Variants in KCNN2 observed in about 807,000 individuals in gnomAD.
KCNN2 encodes the protein small conductance calcium-activated potassium channel protein 2.
In KCNN2, 24 loss-of-function variants were observed where a neutral mutation model predicts 55.5. The ratio of observed to expected loss-of-function variants is 0.43; its 90% CI spans 0.31 to 0.61. KCNN2 has a LOEUF of 0.61. KCNN2 is among the 20% of genes least tolerant of loss of function. The probability of loss-of-function intolerance (pLI) is 0.08; values close to 1 mark genes in which losing one functional copy is unlikely to be tolerated. For missense variants in KCNN2, 754 were observed against 853.6 expected (o/e 0.88, Z 1.45); for synonymous variants, 431 against 336.1 (o/e 1.28, Z -3.09).
intron 1 of KCNN2, among the ~76,000 whole-genome samples, chr5:114,181,588 A>G (rs1753241367): frequency 6.6e-6 from 1 of 152,106 alleles, no homozygotes; most frequent in South Asian, 2.1e-4. Context: ...AATTTTAATA[A>G]AGTCTAATTT....
intron 2 of KCNN2, among the ~76,000 whole-genome samples, chr5:114,310,121 A>T (rs964208781): frequency 6.6e-6 from 1 of 152,322 alleles, no homozygotes. Flanking sequence ...TTACAAATTC[A>T]TATTCTCTTC....
At chr5:114,282,852 A>G (rs536372870) in intron 2 of KCNN2, among the ~76,000 whole-genome samples, 2 of 152,276 alleles carry the variant, frequency 1.3e-5, no homozygotes, top group African/African-American at 4.8e-5. Flanking sequence ...CAATTAATGA[A>G]TTCAATTCCA....
intron 2 of KCNN2, among the ~76,000 whole-genome samples, chr5:114,246,569 A>T (rs974072439): frequency 2.0e-5 from 3 of 151,850 alleles, no homozygotes; most frequent in Non-Finnish European, 2.9e-5. Context: ...ACCATTATAT[A>T]AAAGTAAAAA....
At chr5:114,144,815 G>T (rs1311484029) in intron 1 of KCNN2, among the ~76,000 whole-genome samples, 1 of 145,376 alleles carries the variant, frequency 6.9e-6, no homozygotes, top group Non-Finnish European at 1.5e-5. Flanking sequence ...AATGTGGGGT[G>T]GGGGGAATAG....
chr5:114,375,362 T>G (rs1488160245), intron 2 of KCNN2, among the ~76,000 whole-genome samples: 1 of 152,184 alleles, frequency 6.6e-6, no homozygotes, highest in East Asian at 1.9e-4. Context: ...AAGATACATC[T>G]AATACTTTTA....
At chr5:114,129,530 C>G (rs187532517) in intron 1 of KCNN2, among the ~76,000 whole-genome samples, 1 of 152,180 alleles carries the variant, frequency 6.6e-6, no homozygotes, top group African/African-American at 2.4e-5. Context: ...CTTCTTCCAT[C>G]CTAATCATAG....
chr5:114,085,885 G>A lies in KCNN2; in HGVS notation c.-271+29385G>A, dbSNP rs531188389. ...TCCTTTTTTAAGTTCTGTTCATTTTGCTTTATATATTTTGAAGCACTGTCA... is the reference window on the plus strand; with the variant it reads ...TCCTTTTTTAAGTTCTGTTCATTTTACTTTATATATTTTGAAGCACTGTCA... On this transcript the variant is annotated intron_variant, in intron 1 of 10. Coordinates refer to the KCNN2 transcript ENST00000512097. 1.1e-4 allele frequency among the ~76,000 whole-genome samples: 17 copies of A among 152,018 alleles called. No homozygotes were observed. The East Asian group carries it at 2.9e-3, about 26-fold the overall frequency.
intron 3 of KCNN2, among the ~76,000 whole-genome samples, chr5:114,432,248 C>G (rs1381738947): frequency 6.6e-6 from 1 of 152,194 alleles, no homozygotes. Flanking sequence ...TATTTTGATG[C>G]TCTGTTGTTA....
intron 1 of KCNN2, among the ~76,000 whole-genome samples, chr5:114,069,970 A>C (rs192042011): frequency 1.3e-3 from 195 of 152,328 alleles, no homozygotes; most frequent in Middle Eastern, 6.8e-3. Flanking sequence ...TAATATATGA[A>C]TATATCTCAC....
chr5:114,263,165 G>GA (rs1456451983), intron 2 of KCNN2, among the ~76,000 whole-genome samples: 1 of 151,524 alleles, frequency 6.6e-6, no homozygotes, highest in Non-Finnish European at 1.5e-5. Flanking sequence ...GCAGAAAGCT[G>GA]AAAAAGGAAA....
At chr5:114,206,763 C>CT (rs34590942) in intron 1 of KCNN2, among the ~76,000 whole-genome samples, 53,563 of 147,438 alleles carry the variant, frequency 0.36, 9,950 homozygotes, top group Non-Finnish European at 0.43. Context: ...CCTGGTACTT[C>CT]TTTTTTTTTT....
chr5:114,315,392 T>C (rs1756480333), intron 2 of KCNN2, among the ~76,000 whole-genome samples: 2 of 151,376 alleles, frequency 1.3e-5, no homozygotes, highest in South Asian at 4.2e-4. Flanking sequence ...TAAGCAGGTT[T>C]AGAGTGTACC....
chr5:114,381,601 G>A (rs1236314996), intron 2 of KCNN2, among the ~76,000 whole-genome samples: 1 of 152,160 alleles, frequency 6.6e-6, no homozygotes, highest in Non-Finnish European at 1.5e-5. Flanking sequence ...GTCCTACTGT[G>A]ATCGTCCTCT....
chr5:114,357,294 A>C (rs1025153091), upstream of KCNN2, among the ~76,000 whole-genome samples: 2 of 148,268 alleles, frequency 1.3e-5, no homozygotes, highest in Non-Finnish European at 2.9e-5. Flanking sequence ...AACAACATGA[A>C]ATTTTTTTTT....
intron 4 of KCNN2, among the ~76,000 whole-genome samples, chr5:114,469,595 G>A (rs1435335090): frequency 1.3e-5 from 2 of 152,120 alleles, no homozygotes; most frequent in African/African-American, 2.4e-5. Flanking sequence ...TTTCTACATC[G>A]ATTGTGGTGG....
chr5:114,198,550 A>G (rs1349227514), intron 1 of KCNN2, among the ~76,000 whole-genome samples: 1 of 151,826 alleles, frequency 6.6e-6, no homozygotes, highest in Non-Finnish European at 1.5e-5. Context: ...GCTATTGTGA[A>G]TAGTGCTGTG....
At chr5:114,435,696 T>C (rs1168098828) in intron 3 of KCNN2, among the ~76,000 whole-genome samples, 1 of 152,168 alleles carries the variant, frequency 6.6e-6, no homozygotes, top group Non-Finnish European at 1.5e-5. Flanking sequence ...ATATATTAAG[T>C]TATACATTTT....
At chr5:114,403,584 A>G (rs773014658) in intron 2 of KCNN2, among the ~76,000 whole-genome samples, 31 of 152,166 alleles carry the variant, frequency 2.0e-4, no homozygotes, top group Non-Finnish European at 2.8e-4. Context: ...ACATTTCCAA[A>G]TGCTTCTGGT....
Position 114,405,584 on chromosome 5 carries a change from C to A in KCNN2, c.1637+728C>A, listed in dbSNP as rs79001619. 7.5e-3 allele frequency among the ~76,000 whole-genome samples: 1,135 copies of A among 152,176 alleles called. 14 individuals carry two copies. Among genetic ancestry groups the A allele is most frequent in the African/African-American group, 0.026 (1,073 of 41,544 alleles). Reference sequence around the variant, plus strand: ...TGTCTCATAGTGGGCTACAGAGTACCCTCACATGACCTTGGTTAAGAAAAT... The same window carrying A: ...TGTCTCATAGTGGGCTACAGAGTACACTCACATGACCTTGGTTAAGAAAAT... On this transcript the variant is annotated intron_variant, in intron 3 of 7. Coordinates refer to ENST00000673685, the MANE Select transcript of KCNN2 (RefSeq NM_021614.4).
Sources: gnomAD v4.1 joint callset for allele counts (sites outside exome capture counted in the v4.1 genomes callset) on GRCh38, gnomAD v4.1.1 for gene constraint, MANE v1.5 for transcripts, NCBI Gene and HGNC (gene_info 2026-07-23, HGNC 2026-07-21) for gene names.